The following PITPNC1 variants were observed in gnomAD, a reference collection of about 807,000 sequenced individuals.
PITPNC1 encodes the protein cytoplasmic phosphatidylinositol transfer protein 1.
In PITPNC1, 18 loss-of-function variants were observed where a neutral mutation model predicts 44.7. The ratio of observed to expected loss-of-function variants is 0.40; its 90% CI spans 0.28 to 0.60. The LOEUF (loss-of-function observed/expected upper bound fraction) is 0.60. Ranked by LOEUF, PITPNC1 falls within the 20% of genes least tolerant of loss-of-function variation. PITPNC1 has a pLI of 0.39. For missense variants in PITPNC1, 290 were observed against 418.4 expected (o/e 0.69, Z 2.68); for synonymous variants, 141 against 149.6 (o/e 0.94, Z 0.42).
At chr17:67,429,181 T>C (rs2038819163) in intron 1 of PITPNC1, among the ~76,000 whole-genome samples, 1 of 152,176 alleles carries the variant, frequency 6.6e-6, no homozygotes, top group Non-Finnish European at 1.5e-5. Flanking sequence ...TTTTCTGTTT[T>C]TCTATTCTAT....
intron 6 of PITPNC1, among the ~76,000 whole-genome samples, chr17:67,637,379 C>T (rs1052957984): frequency 6.6e-6 from 1 of 151,810 alleles, no homozygotes; most frequent in Non-Finnish European, 1.5e-5. Flanking sequence ...TAAATAGAAA[C>T]GCTCTTTATG....
intron 8 of PITPNC1, among the ~76,000 whole-genome samples, chr17:67,684,186 A>G (rs1296069502): frequency 6.9e-6 from 1 of 144,328 alleles, no homozygotes; most frequent in East Asian, 2.0e-4. Context: ...ATCTTGACTC[A>G]CTGCAGCCTC....
At position 67,555,672 on chromosome 17, in the gene PITPNC1, CAA is replaced by C. The variant is rs67935513; in HGVS notation, c.294+2075_294+2076del. On this transcript the variant is annotated intron_variant, in intron 4 of 8. Coordinates refer to ENST00000581322, the MANE Select transcript of PITPNC1 (RefSeq NM_012417.4). ...TGAAACCCTGTCTCTACTAAAAATA[CAA>C]AAAAAAAAAAAAAAAAAAAGGTAGT... Among the ~76,000 whole-genome samples the C allele has an allele frequency of 2.4e-4, 19 of 78,146 alleles. 1 individual carries two copies. The highest frequency in any genetic ancestry group is 7.8e-4 in the East Asian group (3 of 3,828). 51.3% of individuals were successfully genotyped at this position (78,146 alleles called of 152,430 possible).
intron 2 of PITPNC1, among the ~76,000 whole-genome samples, chr17:67,533,276 C>T (rs1292937042): frequency 6.6e-6 from 1 of 152,106 alleles, no homozygotes; most frequent in Non-Finnish European, 1.5e-5. Context: ...AATATTACTA[C>T]ATAAAATAAA....
chr17:67,593,335 A>G (rs930023249), intron 5 of PITPNC1, among the ~76,000 whole-genome samples: 4 of 151,974 alleles, frequency 2.6e-5, no homozygotes, highest in African/African-American at 9.7e-5. Flanking sequence ...TCGGAATCAA[A>G]TATGACAAAA....
intron 1 of PITPNC1, among the ~76,000 whole-genome samples, chr17:67,481,865 G>A (rs892204590): frequency 5.4e-5 from 8 of 149,530 alleles, no homozygotes; most frequent in African/African-American, 1.8e-4. Flanking sequence ...ATAACAATTC[G>A]AAGTAGTATA....
chr17:67,425,389 A>G (rs1431281039), intron 1 of PITPNC1, among the ~76,000 whole-genome samples: 1 of 151,794 alleles, frequency 6.6e-6, no homozygotes, highest in Non-Finnish European at 1.5e-5. Context: ...GCAAGGGTTG[A>G]CAAACTTTTT....
chr17:67,378,238 G>C, intron 1 of PITPNC1, 36 bp downstream of exon 1: 1 of 1,403,902 alleles, frequency 7.1e-7, no homozygotes, highest in Non-Finnish European at 9.4e-7. Context: ...CGCCCGCTCC[G>C]GGACCCCCGC....
intron 5 of PITPNC1, among the ~76,000 whole-genome samples, chr17:67,594,914 G>A (rs2041440739): frequency 6.6e-6 from 1 of 152,148 alleles, no homozygotes; most frequent in Non-Finnish European, 1.5e-5. Flanking sequence ...ACAGAATAGA[G>A]CTTTGTACAC....
intron 6 of PITPNC1, among the ~76,000 whole-genome samples, chr17:67,655,558 C>CAAAAAAAA (rs796111267): frequency 4.8e-5 from 2 of 42,080 alleles, no homozygotes; most frequent in Admixed American, 2.2e-4. Context: ...AGACTCATCT[C>CAAAAAAAA]AAAAAAAAAA....
At chr17:67,442,204 C>CATATGT (rs2039021633) in intron 1 of PITPNC1, among the ~76,000 whole-genome samples, 2 of 54,218 alleles carry the variant, frequency 3.7e-5, no homozygotes, top group African/African-American at 1.0e-4. Context: ...GGAAAATAAG[C>CATATGT]ATATATATAT....
At position 67,425,203 on chromosome 17, in the gene PITPNC1, G is replaced by GCGCACACACACA. The variant is rs1370190915; in HGVS notation, c.48+47002_48+47003insGCACACACACAC. 1.4e-4 allele frequency among the ~76,000 whole-genome samples: 14 copies of GCGCACACACACA among 98,780 alleles called. 1 individual carries two copies. Among genetic ancestry groups the GCGCACACACACA allele is most frequent in the East Asian group, 3.6e-4 (1 of 2,770 alleles). 64.8% of individuals were successfully genotyped at this position (98,780 alleles called of 152,430 possible). ...CCATGTTGTGCGCGCGCACGCACAC[G>GCGCACACACACA]CACACACACACACACACACACACAC... On this transcript the variant is annotated intron_variant, in intron 1 of 8. Transcript: ENST00000581322.
At chr17:67,405,710 A>T (rs1478215971) in intron 1 of PITPNC1, among the ~76,000 whole-genome samples, 1 of 150,810 alleles carries the variant, frequency 6.6e-6, no homozygotes, top group Non-Finnish European at 1.5e-5. Flanking sequence ...GGTTCAAGCG[A>T]TTCTCCTGCC....
chr17:67,446,636 A>T (rs35814528), intron 1 of PITPNC1, among the ~76,000 whole-genome samples: 4,539 of 151,630 alleles, frequency 0.03, 103 homozygotes, highest in Non-Finnish European at 0.048. Context: ...TTGTAAAGGG[A>T]GGGTTGACTA....
chr17:67,629,528 CA>C (rs1467293234), intron 5 of PITPNC1, among the ~76,000 whole-genome samples: 2 of 152,180 alleles, frequency 1.3e-5, no homozygotes, highest in Non-Finnish European at 2.9e-5. Context: ...CGCCCGACAT[CA>C]GCCTCCCGAA....
At chr17:67,381,405 C>T (rs922968324) in intron 1 of PITPNC1, among the ~76,000 whole-genome samples, 1 of 149,914 alleles carries the variant, frequency 6.7e-6, no homozygotes, top group African/African-American at 2.4e-5. Flanking sequence ...CTTTTGCTTC[C>T]ACTCTTGGTT....
chr17:67,601,476 C>A (rs2041538848), intron 5 of PITPNC1, among the ~76,000 whole-genome samples: 1 of 152,058 alleles, frequency 6.6e-6, no homozygotes, highest in South Asian at 2.1e-4. Context: ...CAGCTGGGCA[C>A]CCCGTGGCTC....
intron 8 of PITPNC1, among the ~76,000 whole-genome samples, chr17:67,681,701 CA>C (rs752642672): frequency 3.3e-4 from 49 of 149,122 alleles, no homozygotes; most frequent in Admixed American, 1.1e-3. Context: ...TACAAATAGC[CA>C]ATAAACTTAC....
chr17:67,559,919 A>G (rs1047451843), intron 4 of PITPNC1, among the ~76,000 whole-genome samples: 6 of 152,118 alleles, frequency 3.9e-5, no homozygotes, highest in Non-Finnish European at 5.9e-5. Context: ...AACAAAGAAG[A>G]TTATGTGAGA....
Sources: allele counts gnomAD v4.1 joint callset (sites outside exome capture counted in the v4.1 genomes callset), GRCh38; gene constraint gnomAD v4.1.1; transcripts MANE v1.5; gene names NCBI Gene and HGNC (gene_info 2026-07-23, HGNC 2026-07-21).